The following ARPC2 variants were observed in gnomAD, a reference collection of about 807,000 sequenced individuals.
ARPC2 encodes the protein actin related protein 2/3 complex subunit 2, also known as actin-related protein 2/3 complex subunit 2.
In ARPC2, 4 loss-of-function variants were observed where a neutral mutation model predicts 38.6. That is an observed-to-expected ratio of 0.10 (90% CI 0.05 to 0.24). The LOEUF (loss-of-function observed/expected upper bound fraction) is 0.24, where lower values mean the gene tolerates loss of function less well. ARPC2 is among the 10% of genes least tolerant of loss of function. The probability of loss-of-function intolerance (pLI) is 1.00; values close to 1 mark genes in which losing one functional copy is unlikely to be tolerated. For missense variants in ARPC2, 229 were observed against 387.3 expected (o/e 0.59, Z 3.43); for synonymous variants, 125 against 140.8 (o/e 0.89, Z 0.79).
intron 7 of ARPC2, among the ~76,000 whole-genome samples, chr2:218,241,590 T>C (rs560094038): frequency 6.6e-6 from 1 of 152,366 alleles, no homozygotes; most frequent in African/African-American, 2.4e-5. Flanking sequence ...ACCAATCTTA[T>C]TCCATTTTAT....
At chr2:218,222,547 T>C (rs1262185408) in intron 2 of ARPC2, among the ~76,000 whole-genome samples, 2 of 152,192 alleles carry the variant, frequency 1.3e-5, no homozygotes, top group African/African-American at 4.8e-5. Context: ...AGCCGGCTTG[T>C]TCTAGGATTC....
intron 3 of ARPC2, among the ~76,000 whole-genome samples, chr2:218,228,402 CA>C (rs879894821): frequency 1.8e-3 from 249 of 137,548 alleles, no homozygotes; most frequent in African/African-American, 2.7e-3. Context: ...GACTCTATCT[CA>C]AAAAAAAAAA....
rs766136167 is a variant in ARPC2 at position 218,228,796 on chromosome 2, G to C, written c.168G>C (p.Met56Ile). ...CTAATGGAGACAAAACAAAAGTGAT[G>C]GTCAGTATTTCTTTGAAATTCTACA... ...SNPNGDKTKV[M>I]VSISLKFYKE... Residue 56 changes from methionine (M) to isoleucine (I), a missense_variant, in exon 4 of 11, where the codon ATG becomes ATC. Around this residue, in one of 3 missense-constraint regions of ARPC2, gnomAD observed 135 missense variants for 214.1 expected, o/e 0.63. Transcript: ENST00000315717. 6.2e-7 allele frequency: 1 copy of C among 1,611,692 alleles called. No individual in the cohort carries two copies. The highest frequency in any genetic ancestry group is 1.1e-5 in the South Asian group (1 of 90,988).
At chr2:218,232,695 A>G (rs1332570240) in intron 4 of ARPC2, among the ~76,000 whole-genome samples, 1 of 151,356 alleles carries the variant, frequency 6.6e-6, no homozygotes, top group Non-Finnish European at 1.5e-5. Context: ...TCAGCCTCCC[A>G]AGTAGCTGGT....
intron 7 of ARPC2, among the ~76,000 whole-genome samples, chr2:218,240,866 C>T (rs990419448): frequency 1.4e-5 from 2 of 145,540 alleles, no homozygotes; most frequent in African/African-American, 5.1e-5. Context: ...GCACTCCAGC[C>T]TGGGCAAAAA....
intron 4 of ARPC2, among the ~76,000 whole-genome samples, chr2:218,230,284 T>TTTC (rs1689601802): frequency 7.1e-6 from 1 of 140,932 alleles, no homozygotes; most frequent in Non-Finnish European, 1.5e-5. Flanking sequence ...TTCTTTTTTT[T>TTTC]TTCTTTTTTT....
chr2:218,241,377 G>A (rs768725338), intron 7 of ARPC2, among the ~76,000 whole-genome samples: 7 of 152,326 alleles, frequency 4.6e-5, no homozygotes, highest in South Asian at 2.1e-4. Context: ...GCATTTGCTA[G>A]TGCTGAACTT....
Position 218,237,716 on chromosome 2 carries a change from G to A in ARPC2, c.269-948G>A, listed in dbSNP as rs373489476. Among the ~76,000 whole-genome samples, 155 of 151,792 alleles carry A rather than the reference G, an allele frequency of 1.0e-3. No homozygotes were observed. The Middle Eastern group carries it at 0.02, about 20-fold the overall frequency. ...CAAGTAGCTAGGATTACAGGCGCCC[G>A]CCACCATGCCTGGCTAATATTTGTG... is the stretch of plus-strand genomic sequence containing the variant. On this transcript the variant is annotated intron_variant, in intron 5 of 10. Coordinates refer to ENST00000315717, the MANE Select transcript of ARPC2 (RefSeq NM_152862.3).
At position 218,228,751 on chromosome 2, in the gene ARPC2, C is replaced by T. The variant is rs1218233113; in HGVS notation, c.123C>T (p.Val41=). Residue 41 remains valine (V), a synonymous_variant, in exon 4 of 11, where the codon GTC becomes GTT. Coordinates refer to ENST00000315717, the MANE Select transcript of ARPC2 (RefSeq NM_152862.3). ...VEVTFADFDG[V]LYHISNPNGD... is the part of the protein sequence containing the mutation. ...CTTTCCTCACAGATTTCGATGGGGT[C>T]CTCTATCATATTTCAAATCCTAATG... 6.3e-7 allele frequency: 1 copy of T among 1,593,598 alleles called. No individual in the cohort carries two copies.
At chr2:218,251,172 G>C (rs185610412) in intron 10 of ARPC2, among the ~76,000 whole-genome samples, 212 of 151,898 alleles carry the variant, frequency 1.4e-3, no homozygotes, top group Non-Finnish European at 2.4e-3. Flanking sequence ...TTATTTGCCA[G>C]CACCCCAGTA....
intron 3 of ARPC2, among the ~76,000 whole-genome samples, chr2:218,227,741 C>G (rs1381870557): frequency 3.3e-5 from 5 of 152,118 alleles, no homozygotes; most frequent in Non-Finnish European, 7.4e-5. Flanking sequence ...CAGGCATGTG[C>G]CACCACACCC....
chr2:218,224,529 G>A (rs1287169606), intron 2 of ARPC2, among the ~76,000 whole-genome samples: 1 of 152,160 alleles, frequency 6.6e-6, no homozygotes, highest in African/African-American at 2.4e-5. Flanking sequence ...GTGAGGAATG[G>A]TATTGGACTC....
intron 2 of ARPC2, among the ~76,000 whole-genome samples, chr2:218,220,293 A>G (rs1395967942): frequency 6.6e-6 from 1 of 152,238 alleles, no homozygotes; most frequent in Non-Finnish European, 1.5e-5. Flanking sequence ...AGTTCGGAGC[A>G]GCCTTTTCCA....
chr2:218,226,960 A>G lies in ARPC2; in HGVS notation c.109+1006A>G, dbSNP rs1213945612. 1.1e-5 allele frequency: 5 copies of G among 456,076 alleles called. No individual in the cohort carries two copies. In the Admixed American group the frequency reaches 1.2e-4, roughly 11 times the overall value. 28.3% of individuals were successfully genotyped at this position (456,076 alleles called of 1,614,324 possible). A position where few individuals can be genotyped will look rare whatever the true frequency, so the allele number is the denominator to read the frequency against. ...GAGATGTTGCTGCTTTCTGTTCCCTATAAAGAATTAGGTGTTGGTACTATT... is the reference window on the plus strand; with the variant it reads ...GAGATGTTGCTGCTTTCTGTTCCCTGTAAAGAATTAGGTGTTGGTACTATT... On this transcript the variant is annotated intron_variant, in intron 3 of 10. Coordinates refer to ENST00000315717, the MANE Select transcript of ARPC2 (RefSeq NM_152862.3).
rs1689264336 is a variant in ARPC2, at chr2:218,217,199, CGGCAGT to C, written c.-60_-55del. The C allele has an allele frequency of 2.3e-6, 1 of 429,402 alleles. No individual in the cohort carries two copies. The highest frequency in any genetic ancestry group is 3.0e-5 in the South Asian group (1 of 33,558). The allele number at this position is 429,402 out of a possible 1,614,324, so 26.6% of individuals were successfully genotyped here. On this transcript the variant is annotated 5_prime_UTR_variant, in exon 1 of 11. Coordinates refer to ENST00000315717, the MANE Select transcript of ARPC2 (RefSeq NM_152862.3). Reference sequence around the variant, plus strand: ...GCGGGGACCGGGCTTGTCGGTGAAGCGGCAGTGGCGGCGGCGGCGGCGGCTCGGCAG... The same window carrying C: ...GCGGGGACCGGGCTTGTCGGTGAAGCGGCGGCGGCGGCGGCGGCTCGGCAG...
chr2:218,220,609 A>AT (rs570096079), intron 2 of ARPC2, among the ~76,000 whole-genome samples: 363 of 143,078 alleles, frequency 2.5e-3, no homozygotes, highest in South Asian at 3.1e-3. Context: ...TTTGAAGTTG[A>AT]TTTTTTTTTT....
chr2:218,231,017 C>T (rs532679721), intron 4 of ARPC2, among the ~76,000 whole-genome samples: 1 of 152,310 alleles, frequency 6.6e-6, no homozygotes, highest in South Asian at 2.1e-4. Context: ...GCCCCACCCA[C>T]TCAAGTGGGT....
chr2:218,237,809 C>A (rs1264858813), intron 5 of ARPC2, among the ~76,000 whole-genome samples: 2 of 152,208 alleles, frequency 1.3e-5, no homozygotes, highest in Non-Finnish European at 2.9e-5. Flanking sequence ...CTCAGGTGAT[C>A]TGCCCACCTT....
chr2:218,246,351 TC>T (rs1352366036), intron 8 of ARPC2, among the ~76,000 whole-genome samples: 1 of 149,524 alleles, frequency 6.7e-6, no homozygotes, highest in Non-Finnish European at 1.5e-5. Flanking sequence ...GGTGAAACAC[TC>T]CGTCTCTACC....
Sources: allele counts gnomAD v4.1 joint callset (sites outside exome capture counted in the v4.1 genomes callset), GRCh38; gene constraint gnomAD v4.1.1; regional missense constraint gnomAD v4.1.1; transcripts MANE v1.5; gene names NCBI Gene and HGNC (gene_info 2026-07-23, HGNC 2026-07-21).